The following ABCG2 variants were observed in gnomAD, a reference collection of about 807,000 sequenced individuals.
ABCG2 encodes broad substrate specificity ATP-binding cassette transporter ABCG2.
A neutral mutation model predicts 73.5 loss-of-function variants in ABCG2; 80 were observed. The observed-to-expected ratio is 1.09, with a 90% CI of 0.91 to 1.31. The LOEUF is 1.31. Among genes scored for constraint, ABCG2 ranks in the 50% most tolerant of loss-of-function variants. ABCG2 has a pLI of 0.00. For synonymous variants in ABCG2, 269 were observed against 282.4 expected (o/e 0.95, Z 0.48); for missense variants, 796 against 786.2 (o/e 1.01, Z -0.15).
At chr4:88,213,452 T>C (rs1388744196) in intron 1 of ABCG2, among the ~76,000 whole-genome samples, 1 of 152,126 alleles carries the variant, frequency 6.6e-6, no homozygotes, top group African/African-American at 2.4e-5. Context: ...CCCACCTGCA[T>C]CTGCTGCCTT....
intron 1 of ABCG2, among the ~76,000 whole-genome samples, chr4:88,157,478 G>A (rs974424237): frequency 6.6e-6 from 1 of 151,996 alleles, no homozygotes; most frequent in African/African-American, 2.4e-5. Context: ...TATTAGTTTT[G>A]GCCCTTGTTA....
At position 88,152,849 on chromosome 4, in the gene ABCG2, A is replaced by G. The variant is rs188799040; in HGVS notation, c.-20+5537T>C. The stretch of plus-strand genomic sequence containing the variant: ...GGGTGATGTTTCTCAGGGCTGCTTC[A>G]AGTGGGATTAGGGGCGGCGTGGGAA... On this transcript the variant is annotated intron_variant, in intron 1 of 15. Coordinates refer to ENST00000237612, the MANE Select transcript of ABCG2 (RefSeq NM_004827.3). Among the ~76,000 whole-genome samples the G allele has an allele frequency of 6.1e-3, 928 of 152,200 alleles. 10 individuals carry two copies. The highest frequency in any genetic ancestry group is 0.02 in the African/African-American group (822 of 41,534).
At chr4:88,128,121 A>G (rs183339740) in intron 5 of ABCG2, among the ~76,000 whole-genome samples, 73 of 152,340 alleles carry the variant, frequency 4.8e-4, no homozygotes, top group Admixed American at 2.2e-3. Flanking sequence ...GGATATGAAC[A>G]GACACTTCTC....
Position 88,140,664 on chromosome 4 carries a change from C to T in ABCG2, c.-19-650G>A, listed in dbSNP as rs142074418. 3.3e-3 allele frequency among the ~76,000 whole-genome samples: 498 copies of T among 152,000 alleles called. 2 individuals carry two copies. The highest frequency in any genetic ancestry group is 0.011 in the African/African-American group (462 of 41,476). ...AAAGAAACTCTATTTTTTTTAATTGCGGAGTTTATAGCATCATTATTATCA... is the reference window on the plus strand; with the variant it reads ...AAAGAAACTCTATTTTTTTTAATTGTGGAGTTTATAGCATCATTATTATCA... On this transcript the variant is annotated intron_variant, in intron 1 of 15. Transcript: ENST00000237612.
intron 1 of ABCG2, among the ~76,000 whole-genome samples, chr4:88,217,958 G>T (rs4693934): frequency 1 from 148,938 of 149,526 alleles, 74,180 homozygotes; most frequent in East Asian, 1. Flanking sequence ...AGAGTAAGAC[G>T]ATGTTTCTAA....
intron 1 of ABCG2, among the ~76,000 whole-genome samples, chr4:88,153,546 A>T (rs1262236368): frequency 6.9e-6 from 1 of 144,660 alleles, no homozygotes; most frequent in African/African-American, 2.5e-5. Context: ...GAGGATGGTA[A>T]GGGATATAAA....
intron 9 of ABCG2, among the ~76,000 whole-genome samples, chr4:88,110,526 G>C (rs1442326507): frequency 6.6e-6 from 1 of 152,070 alleles, no homozygotes; most frequent in Non-Finnish European, 1.5e-5. Context: ...CTGGGCGACA[G>C]AGCATGACTC....
chr4:88,136,444 T>G (rs1422470319), intron 2 of ABCG2, among the ~76,000 whole-genome samples: 1 of 152,154 alleles, frequency 6.6e-6, no homozygotes, highest in Admixed American at 6.6e-5. Flanking sequence ...CTGCTCGCTG[T>G]GCCAAGCAAA....
chr4:88,194,049 G>A (rs1406709914), intron 1 of ABCG2, among the ~76,000 whole-genome samples: 2 of 152,084 alleles, frequency 1.3e-5, no homozygotes, highest in Admixed American at 6.6e-5. Context: ...TCGGCCAAAG[G>A]TTTGAATTTT....
At chr4:88,172,528 G>A (rs1471231333) in intron 1 of ABCG2, among the ~76,000 whole-genome samples, 8 of 143,028 alleles carry the variant, frequency 5.6e-5, no homozygotes, top group African/African-American at 1.1e-4. Context: ...GCAGTGAGCC[G>A]AGTCACGCCA....
upstream of ABCG2, among the ~76,000 whole-genome samples, chr4:88,162,482 A>G (rs192811446): frequency 5.8e-3 from 886 of 152,268 alleles, 10 homozygotes; most frequent in African/African-American, 0.02. Context: ...TTTCATATTT[A>G]TAGGTCGGTT....
chr4:88,131,158 G>A lies in ABCG2; in HGVS notation c.434C>T (p.Ala145Val). 1.2e-6 allele frequency: 2 copies of A among 1,614,040 alleles called. No individual in the cohort carries two copies. The highest frequency in any genetic ancestry group is 1.7e-6 in the Non-Finnish European group (2 of 1,179,992). ...TVRENLQFSAALRLATTMTNH... is the reference protein window; with the variant it reads ...TVRENLQFSAVLRLATTMTNH... ...CGTCATAGTTGTTGCAAGCCGAAGA[G>A]CTGCTGAGAACTGTAAGTTTTCTCT... Residue 145 changes from alanine to valine, a missense_variant, in exon 5 of 16, where the codon GCT becomes GTT. Ala to Val is a moderately conservative substitution (Grantham distance 64, BLOSUM62 0). Coordinates refer to ENST00000237612, the MANE Select transcript of ABCG2 (RefSeq NM_004827.3).
At chr4:88,153,303 TG>T (rs1560719994) in intron 1 of ABCG2, among the ~76,000 whole-genome samples, 1 of 151,980 alleles carries the variant, frequency 6.6e-6, no homozygotes, top group Non-Finnish European at 1.5e-5. Context: ...GACAAGTTTT[TG>T]GGGGCGCAGT....
At chr4:88,152,193 T>G (rs1012777629) in intron 1 of ABCG2, among the ~76,000 whole-genome samples, 2 of 152,132 alleles carry the variant, frequency 1.3e-5, no homozygotes, top group African/African-American at 4.8e-5. Context: ...GGGTTTCATT[T>G]GAGAAAAAAA....
At chr4:88,192,982 G>C (rs920824699) in intron 1 of ABCG2, among the ~76,000 whole-genome samples, 4 of 152,128 alleles carry the variant, frequency 2.6e-5, no homozygotes, top group African/African-American at 4.8e-5. Context: ...CAAAGTGCTG[G>C]GATTACAGGC....
At chr4:88,149,915 C>T (rs1012286491) in intron 1 of ABCG2, among the ~76,000 whole-genome samples, 1 of 152,090 alleles carries the variant, frequency 6.6e-6, no homozygotes, top group African/African-American at 2.4e-5. Context: ...ACTGGACTTA[C>T]AGGAGTGAAC....
At chr4:88,100,117 TG>T (rs1412544465) in intron 11 of ABCG2, among the ~76,000 whole-genome samples, 1 of 151,758 alleles carries the variant, frequency 6.6e-6, no homozygotes, top group Non-Finnish European at 1.5e-5. Flanking sequence ...CATGTACATT[TG>T]GGAAAATGTG....
rs1361740166 is a variant in ABCG2 at position 88,158,433 on chromosome 4, T to G, written c.-67A>C. Reference sequence around the variant, plus strand: ...TAACCAAAGGCTCAGGATCTCAGGATGCGTGCGCTCGGAGGCAGCGCTTTA... The same window carrying G: ...TAACCAAAGGCTCAGGATCTCAGGAGGCGTGCGCTCGGAGGCAGCGCTTTA... On this transcript the variant is annotated 5_prime_UTR_variant, in exon 1 of 16. Coordinates refer to ENST00000237612, the MANE Select transcript of ABCG2 (RefSeq NM_004827.3). 8.9e-6 allele frequency: 4 copies of G among 447,342 alleles called. No individual in the cohort carries two copies. The East Asian group carries it at 2.8e-4, about 31-fold the overall frequency. The allele number at this position is 447,342 out of a possible 1,614,324, so 27.7% of individuals were successfully genotyped here. A position where few individuals can be genotyped will look rare whatever the true frequency, so the allele number is the denominator to read the frequency against.
intron 7 of ABCG2, among the ~76,000 whole-genome samples, chr4:88,116,935 T>C (rs145117190): frequency 2.6e-5 from 4 of 152,260 alleles, no homozygotes; most frequent in African/African-American, 9.6e-5. Flanking sequence ...TCCAAGATTG[T>C]TAGAAATTTT....
Sources: allele counts gnomAD v4.1 joint callset (sites outside exome capture counted in the v4.1 genomes callset), GRCh38; gene constraint gnomAD v4.1.1; transcripts MANE v1.5; gene names NCBI Gene and HGNC (gene_info 2026-07-23, HGNC 2026-07-21).